MINDY4: variants seen among roughly 807,000 people sequenced by gnomAD.
The protein encoded by MINDY4 is probable ubiquitin carboxyl-terminal hydrolase MINDY-4.
In MINDY4, 68 loss-of-function variants were observed where a neutral mutation model predicts 87.0. That is an observed-to-expected ratio of 0.78 (90% CI 0.64 to 0.96). The LOEUF is 0.96. MINDY4 is among the 40% of genes least tolerant of loss of function. MINDY4 has a pLI of 0.00. For missense variants in MINDY4, 919 were observed against 928.2 expected (o/e 0.99, Z 0.13); for synonymous variants, 379 against 363.2 (o/e 1.04, Z -0.50).
intron 13 of MINDY4, among the ~76,000 whole-genome samples, chr7:30,870,943 G>A (rs1019994203): frequency 4.6e-5 from 7 of 150,672 alleles, no homozygotes; most frequent in African/African-American, 9.8e-5. Context: ...CCCCAGGGTC[G>A]TGTGTGCCTC....
chr7:30,853,640 G>A (rs1789485612), intron 12 of MINDY4, among the ~76,000 whole-genome samples, 181 bp downstream of exon 12: 1 of 152,230 alleles, frequency 6.6e-6, no homozygotes, highest in African/African-American at 2.4e-5. Context: ...TGGGGTGAGG[G>A]ATCTGGCTCC....
chr7:30,837,975 A>G (rs1226421360), intron 7 of MINDY4, among the ~76,000 whole-genome samples: 1 of 152,200 alleles, frequency 6.6e-6, no homozygotes, highest in Non-Finnish European at 1.5e-5. Context: ...AATGAAAAGG[A>G]AAAAAAGAGC....
intron 6 of MINDY4, among the ~76,000 whole-genome samples, chr7:30,835,515 C>G (rs1038555211): frequency 2.6e-5 from 4 of 152,222 alleles, no homozygotes; most frequent in African/African-American, 7.2e-5. Flanking sequence ...TATTTAAATT[C>G]CAGACTTTAT....
intron 17 of MINDY4, among the ~76,000 whole-genome samples, chr7:30,883,910 A>G (rs1253114107): frequency 6.6e-6 from 1 of 151,686 alleles, no homozygotes; most frequent in Admixed American, 6.6e-5. Context: ...CCTGCACCCC[A>G]CTTTGTCATC....
rs969799477 is a variant in MINDY4, at chr7:30,845,728, A to G, written c.1446-4726A>G. Among the ~76,000 whole-genome samples the G allele has an allele frequency of 2.6e-5, 4 of 152,226 alleles. No individual in the cohort carries two copies. The East Asian group carries it at 5.8e-4, about 22-fold the overall frequency. ...GTTGCCCACCACATCTGGTGGGGAA[A>G]TGGTTCTGTGAAAGCAGATGGAGGA... On this transcript the variant is annotated intron_variant, in intron 9 of 17. Transcript: ENST00000265299.
At chr7:30,817,773 G>A (rs945231342) in intron 5 of MINDY4, among the ~76,000 whole-genome samples, 4 of 152,220 alleles carry the variant, frequency 2.6e-5, no homozygotes, top group African/African-American at 7.2e-5. Context: ...TAGCATGTGC[G>A]TGTCCATCCA....
chr7:30,793,879 G>A (rs1047026293), intron 5 of MINDY4, among the ~76,000 whole-genome samples: 1 of 152,194 alleles, frequency 6.6e-6, no homozygotes, highest in Non-Finnish European at 1.5e-5. Flanking sequence ...CAGACCAGCA[G>A]AGCCTTCTTC....
intron 9 of MINDY4, among the ~76,000 whole-genome samples, 171 bp from the exon 10 acceptor site, chr7:30,850,283 C>T (rs572702934): frequency 2.0e-5 from 3 of 152,358 alleles, no homozygotes; most frequent in South Asian, 4.1e-4. Flanking sequence ...TGTGGAGACC[C>T]CTCTTTCCTG....
chr7:30,793,364 T>A (rs567720931), intron 5 of MINDY4, among the ~76,000 whole-genome samples: 1 of 151,720 alleles, frequency 6.6e-6, no homozygotes, highest in South Asian at 2.1e-4. Context: ...TATTTTTTTT[T>A]AGCAGGTATG....
intron 7 of MINDY4, 115 bp downstream of exon 7, chr7:30,836,879 A>C (rs928712661): frequency 1.3e-6 from 1 of 798,950 alleles, no homozygotes; most frequent in Non-Finnish European, 2.0e-6. Context: ...GTCATTGTTG[A>C]AATGGAAATT....
At chr7:30,783,628 G>C (rs2128166333) in intron 3 of MINDY4, among the ~76,000 whole-genome samples, 1 of 152,176 alleles carries the variant, frequency 6.6e-6, no homozygotes, top group South Asian at 2.1e-4. Flanking sequence ...GAAAATCTTT[G>C]GGGGGGTCAC....
chr7:30,826,403 G>T (rs1163755095), intron 5 of MINDY4, among the ~76,000 whole-genome samples: 1 of 152,156 alleles, frequency 6.6e-6, no homozygotes, highest in Non-Finnish European at 1.5e-5. Context: ...GTTCTTTGGA[G>T]CTGAGAAGAA....
intron 17 of MINDY4, among the ~76,000 whole-genome samples, chr7:30,885,719 C>T (rs1374059039): frequency 1.4e-5 from 2 of 147,684 alleles, no homozygotes; most frequent in Non-Finnish European, 3.0e-5. Flanking sequence ...CCCCCCCCAA[C>T]CCTGCTGCCT....
At chr7:30,827,822 A>G (rs749152510) in intron 5 of MINDY4, among the ~76,000 whole-genome samples, 11 of 152,202 alleles carry the variant, frequency 7.2e-5, no homozygotes, top group Non-Finnish European at 1.0e-4. Flanking sequence ...CCAGGGCAAG[A>G]TTACGATTGT....
chr7:30,817,162 C>A (rs6959112), intron 5 of MINDY4, among the ~76,000 whole-genome samples: 25,476 of 152,002 alleles, frequency 0.17, 2,848 homozygotes, highest in East Asian at 0.42. Context: ...AACTCCCATC[C>A]TCTCCCTGGA....
rs780418809 is a variant in MINDY4 at position 30,836,771 on chromosome 7, G to A, written c.1239+7G>A. The stretch of plus-strand genomic sequence containing the variant: ...TGACCTCTCAGTAGCAAAGGTAAGT[G>A]TAAGGAGACTCCTGGGTTAAATGTG... On this transcript the variant is annotated splice_region_variant and intron_variant, in intron 7 of 17. Coordinates refer to ENST00000265299, the MANE Select transcript of MINDY4 (RefSeq NM_032222.3). 2.5e-6 allele frequency: 4 copies of A among 1,605,768 alleles called. No individual in the cohort carries two copies. Among genetic ancestry groups the A allele is most frequent in the East Asian group, 2.2e-5 (1 of 44,832 alleles).
intron 8 of MINDY4, 36 bp from the exon 9 acceptor site, chr7:30,840,724 A>T (rs1306695549): frequency 6.2e-7 from 1 of 1,604,182 alleles, no homozygotes; most frequent in African/African-American, 1.3e-5. Context: ...GCCCCAGGCC[A>T]GTTCTCACTG....
chr7:30,791,282 G>T lies in MINDY4; in HGVS notation c.781G>T (p.Ala261Ser). Residue 261 changes from alanine (A) to serine (S), a missense_variant, in exon 5 of 18, where the codon GCT (alanine) becomes TCT (serine). Transcript: ENST00000265299. Reference protein sequence around the residue: ...LFVCTQQDILASSNSSPSRTS... With the variant: ...LFVCTQQDILSSSNSSPSRTS... Reference sequence around the variant, plus strand: ...TGTCTGCACCCAACAGGACATTCTGGCTTCGAGCAACAGCTCCCCCTCCAG... The same window carrying T: ...TGTCTGCACCCAACAGGACATTCTGTCTTCGAGCAACAGCTCCCCCTCCAG... 5 of 1,614,168 alleles carry T rather than the reference G, an allele frequency of 3.1e-6. No homozygotes were observed. The highest frequency in any genetic ancestry group is 4.2e-6 in the Non-Finnish European group (5 of 1,180,038).
intron 12 of MINDY4, chr7:30,858,919 T>TA (rs1181868605): frequency 3.7e-6 from 2 of 534,444 alleles, no homozygotes; most frequent in Non-Finnish European, 7.2e-6. Context: ...CCAGGACTGT[T>TA]AGAGTGTTCG....
Sources: allele counts gnomAD v4.1 joint callset (sites outside exome capture counted in the v4.1 genomes callset), GRCh38; gene constraint gnomAD v4.1.1; transcripts MANE v1.5; gene names NCBI Gene and HGNC (gene_info 2026-07-23, HGNC 2026-07-21).